Variants in BTNL3 observed in about 807,000 individuals in gnomAD.
BTNL3 encodes the protein butyrophilin-like protein 3.
Under a neutral mutation model 40.1 loss-of-function variants are expected in BTNL3, and 20 were observed. The observed-to-expected ratio is 0.50, with a 90% CI of 0.35 to 0.72. The LOEUF (loss-of-function observed/expected upper bound fraction) is 0.72. BTNL3 is among the 30% of genes least tolerant of loss of function. The pLI is 0.01. For missense variants in BTNL3, 449 were observed against 582.2 expected, an observed-to-expected ratio of 0.77 and a Z score of 2.35; for synonymous variants, 179 against 222.1, an observed-to-expected ratio of 0.81 and a Z score of 1.73.
chr5:180,990,409 A>T (rs1252477951), intron 1 of BTNL3, among the ~76,000 whole-genome samples: 1 of 137,692 alleles, frequency 7.3e-6, no homozygotes, highest in Non-Finnish European at 1.7e-5. Flanking sequence ...TAGAGATAAT[A>T]AGATCACATC....
intron 2 of BTNL3, among the ~76,000 whole-genome samples, chr5:180,996,083 T>C (rs1760032293): frequency 7.3e-6 from 1 of 136,144 alleles, no homozygotes; most frequent in Non-Finnish European, 1.7e-5. Context: ...AATGACAGAG[T>C]ACAACACTCA....
In BTNL3 at chr5:181,005,643, T is replaced by C; in HGVS notation, c.1172T>C (p.Phe391Ser). 1 of 1,613,944 alleles carries C rather than the reference T, an allele frequency of 6.2e-7. No homozygotes were observed. The highest frequency in any genetic ancestry group is 8.5e-7 in the Non-Finnish European group (1 of 1,179,946). Residue 391 changes from phenylalanine (F) to serine (S), a missense_variant, in exon 8 of 8, where the codon TTC becomes TCC. Phe to Ser is a radical substitution (Grantham distance 155). Around this residue, in one of 2 missense-constraint regions of BTNL3, gnomAD observed 126 missense variants for 117.2 expected, o/e 1.07. Transcript: ENST00000342868. ...RLTTEHLYFT[F>S]NPHFISLPPS... ...ACAACAGAACATTTGTATTTCACAT[T>C]CAATCCCCATTTTATCAGCCTCCCC...
In BTNL3 at chr5:180,997,282, C is replaced by T; in HGVS notation, c.467C>T (p.Ser156Phe). The change falls in exon 3 of 8, where the codon TCC becomes TTC. Residue 156 changes from serine to phenylalanine, a missense_variant. This residue lies in a region of BTNL3 where 323 missense variants were observed against 464.9 expected (regional missense o/e 0.69). Transcript: ENST00000342868. ...GGAGGTATCCAGTTACTCTGCCTGT[C>T]CTCAGGCTGGTTCCCCCAGCCCACA... ...VDGGIQLLCL[S>F]SGWFPQPTAK... is the part of the protein sequence containing the mutation. 1 of 1,464,724 alleles carries T rather than the reference C, an allele frequency of 6.8e-7. No individual in the cohort carries two copies. Among genetic ancestry groups the T allele is most frequent in the African/African-American group, 1.4e-5 (1 of 72,842 alleles). The allele number at this position is 1,464,724 out of a possible 1,614,324, so 90.7% of individuals were successfully genotyped here. A position where few individuals can be genotyped will look rare whatever the true frequency, so the allele number is the denominator to read the frequency against.
intron 1 of BTNL3, among the ~76,000 whole-genome samples, chr5:180,991,994 C>G (rs1759976565): frequency 7.3e-6 from 1 of 137,536 alleles, no homozygotes; most frequent in Non-Finnish European, 1.7e-5. Flanking sequence ...GTATTCAAAG[C>G]CGTCCTGAGT....
intron 1 of BTNL3, among the ~76,000 whole-genome samples, chr5:180,990,595 G>A (rs1289594659): frequency 7.3e-6 from 1 of 137,740 alleles, no homozygotes; most frequent in Non-Finnish European, 1.7e-5. Flanking sequence ...ACAAATGACA[G>A]CAGCAAGGCT....
At position 181,005,638 on chromosome 5, in the gene BTNL3, C is replaced by A; in HGVS notation, c.1167C>A (p.Phe389Leu). 1.2e-6 allele frequency: 2 copies of A among 1,614,018 alleles called. No homozygotes were observed. Among genetic ancestry groups the A allele is most frequent in the Non-Finnish European group, 1.7e-6 (2 of 1,179,968 alleles). The change falls in exon 8 of 8, where the codon TTC becomes TTA. Residue 389 changes from phenylalanine (F) to leucine (L), a missense_variant. Around this residue, in one of 2 missense-constraint regions of BTNL3, gnomAD observed 126 missense variants for 117.2 expected, o/e 1.07. Transcript: ENST00000342868. The part of the protein sequence containing the change: ...VLRLTTEHLY[F>L]TFNPHFISLP... ...GACTGACAACAGAACATTTGTATTT[C>A]ACATTCAATCCCCATTTTATCAGCC... is the stretch of plus-strand genomic sequence containing the variant.
chr5:181,005,677 C>T lies in BTNL3; in HGVS notation c.1206C>T (p.Thr402=), dbSNP rs766659297. 2 of 1,614,072 alleles carry T rather than the reference C, an allele frequency of 1.2e-6. No homozygotes were observed. Among genetic ancestry groups the T allele is most frequent in the South Asian group, 2.2e-5 (2 of 91,066 alleles). The change falls in exon 8 of 8, where the codon ACC becomes ACT. Residue 402 remains threonine, a synonymous_variant. Transcript: ENST00000342868. Reference sequence around the variant, plus strand: ...ATTTTATCAGCCTCCCCCCCAGCACCCCTCCTACACGAGTAGGGGTCTTCC... The same window carrying T: ...ATTTTATCAGCCTCCCCCCCAGCACTCCTCCTACACGAGTAGGGGTCTTCC... ...NPHFISLPPS[T]PPTRVGVFLD...
In BTNL3 at chr5:180,996,145, T is replaced by C. The variant is rs1335259691; in HGVS notation, c.398-1068T>C. 1.5e-5 allele frequency among the ~76,000 whole-genome samples: 2 copies of C among 136,808 alleles called. 1 individual carries two copies. Among genetic ancestry groups the C allele is most frequent in the Non-Finnish European group, 3.3e-5 (2 of 59,820 alleles). The allele number at this position is 136,808 out of a possible 152,430, so 89.8% of individuals were successfully genotyped here. A position where few individuals can be genotyped will look rare whatever the true frequency, so the allele number is the denominator to read the frequency against. On this transcript the variant is annotated intron_variant, in intron 2 of 7. Transcript: ENST00000342868. ...AAAAGGCAATATTAAATCATAAAAT[T>C]GAAGTCAACCACATAAGAGGTACTT...
rs1401682761 is a variant in BTNL3, at chr5:180,997,326, C to A, written c.511C>A (p.Gln171Lys). ...GCCCACAGCCAAGTGGAAAGGTCCA[C>A]AAGGACAGGATTTGTCTTCAGACTC... ...PQPTAKWKGP[Q>K]GQDLSSDSRA... is the part of the protein sequence containing the mutation. The change falls in exon 3 of 8, where the codon CAA becomes AAA. Residue 171 changes from glutamine (Q) to lysine (K), a missense_variant. By Grantham distance (53) the Gln-to-Lys change is moderately conservative (BLOSUM62 1). Around this residue, in one of 2 missense-constraint regions of BTNL3, gnomAD observed 323 missense variants for 464.9 expected, o/e 0.69. Coordinates refer to ENST00000342868, the MANE Select transcript of BTNL3 (RefSeq NM_197975.3). 4.1e-6 allele frequency: 6 copies of A among 1,464,554 alleles called. 3 individuals carry two copies. The Admixed American group carries it at 1.1e-4, about 27-fold the overall frequency. 90.7% of individuals were successfully genotyped at this position (1,464,554 alleles called of 1,614,324 possible).
chr5:180,992,836 G>A lies in BTNL3; in HGVS notation c.73G>A (p.Gly25Ser). The change falls in exon 2 of 8, where the codon GGC becomes AGC. Residue 25 changes from glycine (G) to serine (S), a missense_variant. This residue lies in a region of BTNL3 where 323 missense variants were observed against 464.9 expected (regional missense o/e 0.69). Transcript: ENST00000342868. Reference sequence around the variant, plus strand: ...AGGACAGTGGCAAGTCACTGGACCGGGCAAGTTTGTCCAGGCCTTGGTGGG... The same window carrying A: ...AGGACAGTGGCAAGTCACTGGACCGAGCAAGTTTGTCCAGGCCTTGGTGGG... ...VSGQWQVTGPGKFVQALVGED... is the reference protein window; with the variant it reads ...VSGQWQVTGPSKFVQALVGED... 6.8e-7 allele frequency: 1 copy of A among 1,463,054 alleles called. No individual in the cohort carries two copies. Among genetic ancestry groups the A allele is most frequent in the Non-Finnish European group, 9.4e-7 (1 of 1,058,866 alleles). 90.6% of individuals were successfully genotyped at this position (1,463,054 alleles called of 1,614,324 possible).
chr5:181,002,811 C>T, intron 4 of BTNL3, 26 bp downstream of exon 4: 1 of 1,440,560 alleles, frequency 6.9e-7, no homozygotes, highest in Non-Finnish European at 9.6e-7. Context: ...AAGCATGGGC[C>T]CATACCTTCT....
chr5:180,993,073 A>C lies in BTNL3; in HGVS notation c.310A>C (p.Ile104Leu). The C allele has an allele frequency of 6.9e-7, 1 of 1,454,698 alleles. No homozygotes were observed. The highest frequency in any genetic ancestry group is 9.5e-7 in the Non-Finnish European group (1 of 1,054,294). The allele number at this position is 1,454,698 out of a possible 1,614,324, so 90.1% of individuals were successfully genotyped here. Reference sequence around the variant, plus strand: ...GCGTGTCTCTCTAAGGCTAAAAAACATCACTCCCTCGGACATCGGCCTGTA... The same window carrying C: ...GCGTGTCTCTCTAAGGCTAAAAAACCTCACTCCCTCGGACATCGGCCTGTA... ...GGRVSLRLKN[I>L]TPSDIGLYGC... The change falls in exon 2 of 8, where the codon ATC becomes CTC. Residue 104 changes from isoleucine to leucine, a missense_variant. Transcript: ENST00000342868.
rs55873315 is a variant in BTNL3, at chr5:181,002,376, G to GTATA, written c.674-272_674-269dup. Among the ~76,000 whole-genome samples, 500 of 81,562 alleles carry GTATA rather than the reference G, an allele frequency of 6.1e-3. 37 individuals are homozygous for GTATA. The highest frequency in any genetic ancestry group is 0.019 in the East Asian group (49 of 2,612). The allele number at this position is 81,562 out of a possible 152,430, so 53.5% of individuals were successfully genotyped here. On this transcript the variant is annotated intron_variant, in intron 3 of 7. Coordinates refer to ENST00000342868, the MANE Select transcript of BTNL3 (RefSeq NM_197975.3). ...CACACACACACACACACGTGTGTGT[G>GTATA]TATATATATATATATATATATATAT...
At position 181,003,650 on chromosome 5, in the gene BTNL3, C is replaced by T. The variant is rs944961389; in HGVS notation, c.788-206C>T. On this transcript the variant is annotated intron_variant, in intron 4 of 7. Transcript: ENST00000342868. ...ACAGCATCCCAGCTGTTGTCCCTCTCCTTAGCATGCACCTTCCTGATCTCT... is the reference window on the plus strand; with the variant it reads ...ACAGCATCCCAGCTGTTGTCCCTCTTCTTAGCATGCACCTTCCTGATCTCT... Among the ~76,000 whole-genome samples, 4 of 148,206 alleles carry T rather than the reference C, an allele frequency of 2.7e-5. No individual in the cohort carries two copies. The South Asian group carries it at 8.4e-4, about 31-fold the overall frequency.
rs1760212125 is a variant in BTNL3, at chr5:181,005,603, TG to T, written c.1135del (p.Val379SerfsTer4). On this transcript the variant is annotated frameshift_variant, in exon 8 of 8. Transcript: ENST00000342868. LOFTEE classifies it low-confidence loss of function (END_TRUNC). ...GACTTTGTCTCCCAACAATGGGTAT[TG>T]GGTCCTCAGACTGACAACAGAACAT... ...NVTLSPNNGY[W>X]VLRLTTEHLY... The T allele has an allele frequency of 6.2e-7, 1 of 1,613,898 alleles. No individual in the cohort carries two copies. The highest frequency in any genetic ancestry group is 8.5e-7 in the Non-Finnish European group (1 of 1,180,002).
At position 180,993,071 on chromosome 5, in the gene BTNL3, A is replaced by T; in HGVS notation, c.308A>T (p.Asn103Ile). 3.4e-6 allele frequency: 5 copies of T among 1,454,834 alleles called. 2 individuals are homozygous for T. The highest frequency in any genetic ancestry group is 4.7e-6 in the Non-Finnish European group (5 of 1,054,404). 90.1% of individuals were successfully genotyped at this position (1,454,834 alleles called of 1,614,324 possible). ...GGGCGTGTCTCTCTAAGGCTAAAAA[A>T]CATCACTCCCTCGGACATCGGCCTG... ...AGGRVSLRLK[N>I]ITPSDIGLYG... Residue 103 changes from asparagine (N) to isoleucine (I), a missense_variant, in exon 2 of 8, where the codon AAC (asparagine) becomes ATC (isoleucine). Around this residue, in one of 2 missense-constraint regions of BTNL3, gnomAD observed 323 missense variants for 464.9 expected, o/e 0.69. Coordinates refer to ENST00000342868, the MANE Select transcript of BTNL3 (RefSeq NM_197975.3).
Position 180,989,946 on chromosome 5 carries a change from G to A in BTNL3, c.49+869G>A, listed in dbSNP as rs919972277. On this transcript the variant is annotated intron_variant, in intron 1 of 7. Transcript: ENST00000342868. ...AGGCTGAGGTGGGTGGATCACCTGAGGTCAGGAGTTTGAGACTAGCCTGGC... is the reference window on the plus strand; with the variant it reads ...AGGCTGAGGTGGGTGGATCACCTGAAGTCAGGAGTTTGAGACTAGCCTGGC... 1.9e-4 allele frequency among the ~76,000 whole-genome samples: 26 copies of A among 136,376 alleles called. 1 individual carries two copies. Among genetic ancestry groups the A allele is most frequent in the African/African-American group, 6.1e-4 (24 of 39,602 alleles). The allele number at this position is 136,376 out of a possible 152,430, so 89.5% of individuals were successfully genotyped here.
chr5:181,002,924 C>A (rs1760149060), intron 4 of BTNL3, 139 bp downstream of exon 4: 3 of 1,073,012 alleles, frequency 2.8e-6, no homozygotes, highest in South Asian at 1.4e-5. Context: ...GCACAGGGAA[C>A]CCAGTCTTCA....
Position 180,998,197 on chromosome 5 carries a change from T to C in BTNL3, c.673+709T>C, listed in dbSNP as rs1002869721. On this transcript the variant is annotated intron_variant, in intron 3 of 7. Coordinates refer to ENST00000342868, the MANE Select transcript of BTNL3 (RefSeq NM_197975.3). ...TTGAAAATAAAAAATACTCGAGAAA[T>C]ATTAATCACGAAGAATTGAACAGAT... Among the ~76,000 whole-genome samples, 4 of 136,528 alleles carry C rather than the reference T, an allele frequency of 2.9e-5. 1 individual carries two copies. The highest frequency in any genetic ancestry group is 5.0e-5 in the Non-Finnish European group (3 of 59,838). The allele number at this position is 136,528 out of a possible 152,430, so 89.6% of individuals were successfully genotyped here.
Sources: allele counts gnomAD v4.1 joint callset (sites outside exome capture counted in the v4.1 genomes callset), GRCh38; gene constraint gnomAD v4.1.1; regional missense constraint gnomAD v4.1.1; transcripts MANE v1.5; gene names NCBI Gene and HGNC (gene_info 2026-07-23, HGNC 2026-07-21).